The following ZNF624 variants were observed in gnomAD, a reference collection of about 807,000 sequenced individuals.
The protein encoded by ZNF624 is zinc finger protein 624.
ZNF624 carries 43 observed loss-of-function variants against 74.7 expected under a neutral mutation model. The observed-to-expected ratio is 0.58, with a 90% CI of 0.45 to 0.74. The LOEUF is 0.74. Ranked by LOEUF, ZNF624 falls within the 30% of genes least tolerant of loss-of-function variation. The pLI, the probability that ZNF624 is intolerant of heterozygous loss-of-function variation, is 0.00. For synonymous variants in ZNF624, 331 were observed against 341.3 expected (o/e 0.97, Z 0.33); for missense variants, 820 against 1,030.0 (o/e 0.80, Z 2.79).
intron 5 of ZNF624, among the ~76,000 whole-genome samples, chr17:16,630,866 GTA>G (rs1391585097): frequency 7.0e-6 from 1 of 142,496 alleles, no homozygotes; most frequent in African/African-American, 2.5e-5. Flanking sequence ...GGAAGCAAAT[GTA>G]TAGTCTCACT....
At chr17:16,644,839 A>ACAC (rs1302886653) in intron 3 of ZNF624, among the ~76,000 whole-genome samples, 1 of 152,226 alleles carries the variant, frequency 6.6e-6, no homozygotes, top group East Asian at 1.9e-4. Flanking sequence ...TACTCATTAG[A>ACAC]CACCTCATCT....
intron 3 of ZNF624, among the ~76,000 whole-genome samples, chr17:16,646,581 A>T (rs536136228): frequency 1.3e-5 from 2 of 152,358 alleles, no homozygotes; most frequent in African/African-American, 4.8e-5. Context: ...CAGATAGTGG[A>T]AAAAAGAATG....
At chr17:16,649,367 A>G (rs28751872) in intron 2 of ZNF624, among the ~76,000 whole-genome samples, 35,258 of 152,112 alleles carry the variant, frequency 0.23, 4,550 homozygotes, top group East Asian at 0.35. Context: ...ACAAATAACT[A>G]AAATTTCCTG....
downstream of ZNF624, chr17:16,617,564 G>C (rs897048462): frequency 6.4e-7 from 1 of 1,570,106 alleles, no homozygotes; most frequent in East Asian, 2.2e-5. Context: ...TATTCTGTAC[G>C]AACAGGTGGT....
downstream of ZNF624, chr17:16,617,736 T>C (rs1697949379): frequency 6.2e-6 from 10 of 1,604,080 alleles, no homozygotes; most frequent in Non-Finnish European, 8.5e-6. Flanking sequence ...AAGGGCGTCG[T>C]CGGTGTCGCG....
chr17:16,638,058 TG>T (rs1487792419), intron 3 of ZNF624, among the ~76,000 whole-genome samples: 3 of 152,170 alleles, frequency 2.0e-5, no homozygotes, highest in Non-Finnish European at 2.9e-5. Context: ...GCAAAGGATA[TG>T]AACAGACACT....
chr17:16,649,484 T>C (rs1484691578), intron 2 of ZNF624, among the ~76,000 whole-genome samples, 174 bp downstream of exon 2: 1 of 152,248 alleles, frequency 6.6e-6, no homozygotes, highest in Non-Finnish European at 1.5e-5. Context: ...TAAGTAAGTA[T>C]AGTGAATCGT....
Position 16,623,624 on chromosome 17 carries a change from C to A in ZNF624, c.1262G>T (p.Cys421Phe), listed in dbSNP as rs2142569083. ...TGACTTGTTCCTAAAGGCTTTCCCA[C>A]AATCATCACATTTGTAGGGTTTCTC... ...NGEKPYKCDD[C>F]GKAFRNKSYL... The change falls in exon 6 of 6, where the codon TGT (cysteine) becomes TTT (phenylalanine). Residue 421 changes from cysteine (C) to phenylalanine (F), a missense_variant. Cys to Phe is a radical substitution (Grantham distance 205). Transcript: ENST00000311331. The surrounding 1 kb of genome is among the most constrained non-coding windows in gnomAD (Gnocchi z 5.3). 6.2e-7 allele frequency: 1 copy of A among 1,610,818 alleles called. No individual in the cohort carries two copies. The highest frequency in any genetic ancestry group is 2.2e-5 in the East Asian group (1 of 44,866).
intron 3 of ZNF624, among the ~76,000 whole-genome samples, chr17:16,644,412 G>C (rs957743224): frequency 2.6e-5 from 4 of 152,104 alleles, no homozygotes; most frequent in Admixed American, 6.5e-5. Context: ...AGTTCCTAGG[G>C]AGCTAAAAGA....
At chr17:16,627,948 T>TA (rs943272643) in intron 5 of ZNF624, among the ~76,000 whole-genome samples, 16 of 152,080 alleles carry the variant, frequency 1.1e-4, no homozygotes, top group Middle Eastern at 6.8e-3. Flanking sequence ...TGATACCCAG[T>TA]AAAAAATAAC....
In ZNF624 at chr17:16,622,643, C is replaced by T. The variant is rs560195252; in HGVS notation, c.2243G>A (p.Gly748Glu). The T allele has an allele frequency of 6.2e-7, 1 of 1,613,970 alleles. No individual in the cohort carries two copies. The highest frequency in any genetic ancestry group is 8.5e-7 in the Non-Finnish European group (1 of 1,179,976). Residue 748 changes from glycine to glutamate, a missense_variant, in exon 6 of 6, where the codon GGA (glycine) becomes GAA (glutamate). Gly to Glu is a moderately conservative substitution (Grantham distance 98). Transcript: ENST00000311331. ...GACATCACACTTATAGGGCTTCTCT[C>T]CACTATGGATTTTCTGATGTTCTGT... ...HVTEHQKIHS[G>E]EKPYKCDVCG...
chr17:16,615,049 G>A, the ZNF624 span, among the ~76,000 whole-genome samples: 606 of 152,260 alleles, frequency 4.0e-3, 4 homozygotes, highest in Non-Finnish European at 6.6e-3. Context: ...AGGGTTTAGG[G>A]GGTGAAGTGG....
At chr17:16,620,294 G>A (rs896242132), downstream of ZNF624, among the ~76,000 whole-genome samples, 2 of 152,132 alleles carry the variant, frequency 1.3e-5, no homozygotes, top group African/African-American at 2.4e-5. Flanking sequence ...AGTGTTCCCA[G>A]AACTTCCAAG....
chr17:16,651,782 A>G (rs1378479653), intron 1 of ZNF624, among the ~76,000 whole-genome samples: 1 of 152,174 alleles, frequency 6.6e-6, no homozygotes, highest in Non-Finnish European at 1.5e-5. Context: ...GAGAATGCAA[A>G]AAACTCACTG....
At position 16,623,308 on chromosome 17, in the gene ZNF624, T is replaced by C. The variant is rs757581037; in HGVS notation, c.1578A>G (p.Lys526=). Residue 526 remains lysine, a synonymous_variant, in exon 6 of 6, where the codon AAA becomes AAG. Transcript: ENST00000311331. This position sits in a 1 kb window ranked among gnomAD's most constrained non-coding sequence, Gnocchi z 5.3. ...TCCCACATTCATTACATTTATAGGG[T>C]TTTTCTCCTGTGTGAATTCGCTGAT... is the stretch of plus-strand genomic sequence containing the variant. ...TEHQRIHTGE[K]PYKCNECGKA... 2 of 1,613,742 alleles carry C rather than the reference T, an allele frequency of 1.2e-6. No homozygotes were observed. Among genetic ancestry groups the C allele is most frequent in the East Asian group, 4.5e-5 (2 of 44,850 alleles).
intron 5 of ZNF624, among the ~76,000 whole-genome samples, chr17:16,628,104 T>C (rs771768836): frequency 3.3e-5 from 5 of 151,734 alleles, no homozygotes; most frequent in Admixed American, 6.6e-5. Context: ...TACTAAAAAA[T>C]ACAAAAAAAT....
In ZNF624 at chr17:16,622,524, C is replaced by T. The variant is rs1908944948; in HGVS notation, c.2362G>A (p.Gly788Ser). 1.2e-6 allele frequency: 2 copies of T among 1,613,772 alleles called. No homozygotes were observed. The highest frequency in any genetic ancestry group is 1.7e-6 in the Non-Finnish European group (2 of 1,179,894). Reference protein sequence around the residue: ...KPYTCKECGKGCITLSQLTLH... With the variant: ...KPYTCKECGKSCITLSQLTLH... ...GTTAGCTGTGATAGAGTAATACAAC[C>T]CTTTCCACATTCCTTACAGGTGTAG... The change falls in exon 6 of 6, where the codon GGT becomes AGT. Residue 788 changes from glycine (G) to serine (S), a missense_variant. Transcript: ENST00000311331.
At position 16,628,249 on chromosome 17, in the gene ZNF624, C is replaced by T. The variant is rs746561084; in HGVS notation, c.377-3740G>A. Among the ~76,000 whole-genome samples, 5 of 151,832 alleles carry T rather than the reference C, an allele frequency of 3.3e-5. No homozygotes were observed. The South Asian group carries it at 8.3e-4, about 25-fold the overall frequency. On this transcript the variant is annotated intron_variant, in intron 5 of 5. Coordinates refer to ENST00000311331, the MANE Select transcript of ZNF624 (RefSeq NM_020787.4). Reference sequence around the variant, plus strand: ...CTGCACTCCAGCCTGGGTAAAAGAGCGAGACTCTGTCTGCCTCCCCCGACC... The same window carrying T: ...CTGCACTCCAGCCTGGGTAAAAGAGTGAGACTCTGTCTGCCTCCCCCGACC...
downstream of ZNF624, among the ~76,000 whole-genome samples, chr17:16,620,167 C>G (rs1908872767): frequency 6.6e-6 from 1 of 152,184 alleles, no homozygotes; most frequent in African/African-American, 2.4e-5. Flanking sequence ...TGTAACTCAT[C>G]ATGCCTTGTT....
Sources: gnomAD v4.1 joint callset for allele counts (sites outside exome capture counted in the v4.1 genomes callset) on GRCh38, gnomAD v4.1.1 for gene constraint, Gnocchi (gnomAD v3.1) non-coding constraint, MANE v1.5 for transcripts, NCBI Gene and HGNC (gene_info 2026-07-23, HGNC 2026-07-21) for gene names.